TRPV4: variants seen among roughly 807,000 people sequenced by gnomAD.
TRPV4 encodes the protein OSM9-like transient receptor potential channel 4.
A neutral mutation model predicts 84.1 loss-of-function variants in TRPV4; 58 were observed. The observed-to-expected ratio is 0.69, with a 90% CI of 0.56 to 0.86. TRPV4 has a LOEUF of 0.86. Among genes scored for constraint, TRPV4 ranks in the 40% least tolerant of loss-of-function variants. The probability of loss-of-function intolerance (pLI) is 0.00; values close to 1 mark genes in which losing one functional copy is unlikely to be tolerated. For missense variants in TRPV4, 879 were observed against 1,181.1 expected, an observed-to-expected ratio of 0.74 and a Z score of 3.75; for synonymous variants, 489 against 500.9, an observed-to-expected ratio of 0.98 and a Z score of 0.32.
intron 12 of TRPV4, among the ~76,000 whole-genome samples, chr12:109,791,448 T>C (rs1052253278): frequency 3.3e-5 from 5 of 151,112 alleles, no homozygotes; most frequent in Non-Finnish European, 7.4e-5. Flanking sequence ...TTTGTAGCAA[T>C]AGCTAATACT....
chr12:109,796,567 C>T lies in TRPV4; in HGVS notation c.1290G>A (p.Glu430=), dbSNP rs1311809935. The part of the protein sequence containing the change: ...DLSSLDTCGE[E]ASVLEILVYN... Reference sequence around the variant, plus strand: ...ACACCAGGATCTCCAGCACGGAGGCCTCTTCCCCACACGTGTCCAGGGAGG... The same window carrying T: ...ACACCAGGATCTCCAGCACGGAGGCTTCTTCCCCACACGTGTCCAGGGAGG... Residue 430 remains glutamate (E), a synonymous_variant, in exon 7 of 16, where the codon GAG becomes GAA. Coordinates refer to ENST00000261740, the MANE Select transcript of TRPV4 (RefSeq NM_021625.5). This position sits in a 1 kb window ranked among gnomAD's most constrained non-coding sequence, Gnocchi z 4.2. The T allele has an allele frequency of 6.2e-7, 1 of 1,614,180 alleles. No individual in the cohort carries two copies.
intron 2 of TRPV4, among the ~76,000 whole-genome samples, chr12:109,811,009 A>G (rs1032344333): frequency 1.3e-5 from 2 of 152,088 alleles, no homozygotes; most frequent in African/African-American, 4.8e-5. Context: ...GTGAGGCCCT[A>G]TTCCTTGGCG....
chr12:109,792,285 T>C (rs1890092953), intron 12 of TRPV4, 78 bp downstream of exon 12: 1 of 1,147,802 alleles, frequency 8.7e-7, no homozygotes, highest in East Asian at 2.4e-5. Context: ...AAGGCTGCTA[T>C]TGTCCCCTAT....
chr12:109,784,731 T>C (rs1889571463), intron 14 of TRPV4, among the ~76,000 whole-genome samples: 1 of 150,090 alleles, frequency 6.7e-6, no homozygotes, highest in Admixed American at 6.7e-5. Context: ...ATAGTCCCAG[T>C]GACCCGAGAG....
chr12:109,831,287 G>A (rs1034491559), intron 1 of TRPV4, among the ~76,000 whole-genome samples: 7 of 152,136 alleles, frequency 4.6e-5, no homozygotes, highest in Admixed American at 1.3e-4. Context: ...TTTAAGGTGC[G>A]GCTTAAACAC....
At chr12:109,797,434 A>G (rs1890474551) in intron 6 of TRPV4, among the ~76,000 whole-genome samples, 1 of 152,056 alleles carries the variant, frequency 6.6e-6, no homozygotes, top group Non-Finnish European at 1.5e-5. Flanking sequence ...GATTACAGGC[A>G]TGAGCCACTG....
chr12:109,800,834 G>A, intron 4 of TRPV4, 76 bp from the exon 5 acceptor site: 1 of 1,376,894 alleles, frequency 7.3e-7, no homozygotes. Context: ...TGGGGGTAGG[G>A]TGCAGGACGT....
At position 109,792,890 on chromosome 12, in the gene TRPV4, G is replaced by A. The variant is rs190411853; in HGVS notation, c.1659-73C>T. On this transcript the variant is annotated intron_variant, in intron 10 of 15. Coordinates refer to ENST00000261740, the MANE Select transcript of TRPV4 (RefSeq NM_021625.5). Reference sequence around the variant, plus strand: ...AATGAGGCTCTGGAGGGGAAGACACGCCTCCAAGCCCTCCAGGGTATCAGG... The same window carrying A: ...AATGAGGCTCTGGAGGGGAAGACACACCTCCAAGCCCTCCAGGGTATCAGG... 137 of 1,494,608 alleles carry A rather than the reference G, an allele frequency of 9.2e-5. No homozygotes were observed. The Admixed American group carries it at 2.1e-3, about 23-fold the overall frequency. 92.6% of individuals were successfully genotyped at this position (1,494,608 alleles called of 1,614,324 possible). A position where few individuals can be genotyped will look rare whatever the true frequency, so the allele number is the denominator to read the frequency against.
chr12:109,809,451 T>C (rs1165851037), intron 2 of TRPV4, among the ~76,000 whole-genome samples: 2 of 141,032 alleles, frequency 1.4e-5, no homozygotes, highest in African/African-American at 2.7e-5. Context: ...CACCCACTCA[T>C]CCATCCATCC....
intron 1 of TRPV4, among the ~76,000 whole-genome samples, chr12:109,820,513 C>CCTTTTTTTTTTT (rs1892051320): frequency 9.4e-6 from 1 of 106,728 alleles, no homozygotes; most frequent in Non-Finnish European, 2.0e-5. Context: ...CTTCAGCTGC[C>CCTTTTTTTTTTT]CTATTTTTTT....
intron 8 of TRPV4, 24 bp from the exon 9 acceptor site, chr12:109,794,046 G>A (rs1178422220): frequency 1.3e-6 from 2 of 1,577,804 alleles, no homozygotes; most frequent in Admixed American, 1.8e-5. Flanking sequence ...AGGGCACACA[G>A]GTCGTCACCC....
At chr12:109,794,087 A>T in intron 8 of TRPV4, 65 bp from the exon 9 acceptor site, 1 of 1,383,004 alleles carries the variant, frequency 7.2e-7, no homozygotes, top group Non-Finnish European at 1.0e-6. Flanking sequence ...CCCAATCCAG[A>T]TGTTCCCCCA....
At chr12:109,818,716 T>C (rs781563163) in intron 1 of TRPV4, among the ~76,000 whole-genome samples, 45 of 152,186 alleles carry the variant, frequency 3.0e-4, no homozygotes, top group Non-Finnish European at 1.2e-4. Context: ...ATTTGATAAA[T>C]GTTGGATCTT....
intron 1 of TRPV4, among the ~76,000 whole-genome samples, chr12:109,828,631 G>C (rs1364539692): frequency 6.6e-6 from 1 of 152,206 alleles, no homozygotes; most frequent in African/African-American, 2.4e-5. Flanking sequence ...TGGCGGAGCT[G>C]GGAGGTAAGC....
intron 6 of TRPV4, among the ~76,000 whole-genome samples, chr12:109,797,365 G>T (rs138832175): frequency 0.019 from 2,868 of 152,248 alleles, 46 homozygotes; most frequent in Middle Eastern, 0.058. Context: ...TGTTGGCCAG[G>T]CTGGTCTTGA....
intron 5 of TRPV4, among the ~76,000 whole-genome samples, chr12:109,800,362 G>A (rs1279761929): frequency 4.6e-5 from 7 of 152,142 alleles, no homozygotes; most frequent in Non-Finnish European, 1.0e-4. Flanking sequence ...TGACAGGTGT[G>A]AGACACCGTG....
At chr12:109,784,244 G>C in intron 15 of TRPV4, 72 bp downstream of exon 15, 1 of 1,607,122 alleles carries the variant, frequency 6.2e-7, no homozygotes. Flanking sequence ...CCGGAAAGAA[G>C]CAGGACTGCT....
Position 109,786,655 on chromosome 12 carries a change from G to T in TRPV4, c.2336+55C>A. The T allele has an allele frequency of 6.2e-7, 1 of 1,609,390 alleles. No individual in the cohort carries two copies. The highest frequency in any genetic ancestry group is 1.1e-5 in the South Asian group (1 of 90,620). ...ACGACGCTGGAGCAGCAGGGGCCCC[G>T]AGCCAGTGGGGACAGTTCCGCCCTG... On this transcript the variant is annotated intron_variant, in intron 14 of 15. Coordinates refer to ENST00000261740, the MANE Select transcript of TRPV4 (RefSeq NM_021625.5). The surrounding 1 kb of genome is among the most constrained non-coding windows in gnomAD (Gnocchi z 4.5).
chr12:109,792,758 GC>G lies in TRPV4; in HGVS notation c.1717del (p.Ala573ProfsTer5). The G allele has an allele frequency of 6.2e-7, 1 of 1,614,096 alleles. No individual in the cohort carries two copies. The highest frequency in any genetic ancestry group is 8.5e-7 in the Non-Finnish European group (1 of 1,180,024). On this transcript the variant is annotated frameshift_variant, in exon 11 of 16. Coordinates refer to ENST00000261740, the MANE Select transcript of TRPV4 (RefSeq NM_021625.5). LOFTEE classifies it high-confidence loss of function. ...SAALYLAGIE[A>X]YLAVMVFALV... ...GGCAAAGACCATCACGGCCAGGTAG[GC>G]CTCGATCCCTGCCAGGTAGAGGGCT...
Sources: allele counts gnomAD v4.1 joint callset (sites outside exome capture counted in the v4.1 genomes callset), GRCh38; gene constraint gnomAD v4.1.1; non-coding constraint Gnocchi (gnomAD v3.1); transcripts MANE v1.5; gene names NCBI Gene and HGNC (gene_info 2026-07-23, HGNC 2026-07-21).